The following PAK4 variants were observed in gnomAD, a reference collection of about 807,000 sequenced individuals.
The protein encoded by PAK4 is serine/threonine-protein kinase PAK 4.
PAK4 carries 49 observed loss-of-function variants against 53.5 expected under a neutral mutation model. That is an observed-to-expected ratio of 0.92 (90% CI 0.73 to 1.16). The LOEUF is 1.16. Ranked by LOEUF, PAK4 falls within the 50% of genes most tolerant of loss-of-function variation. The probability of loss-of-function intolerance (pLI) is 0.00; values close to 1 mark genes in which losing one functional copy is unlikely to be tolerated. For synonymous variants in PAK4, 376 were observed against 375.6 expected (o/e 1.00, Z -0.01); for missense variants, 824 against 850.7 (o/e 0.97, Z 0.39).
intron 8 of PAK4, 51 bp downstream of exon 9, chr19:39,177,860 G>T: frequency 6.4e-7 from 1 of 1,570,984 alleles, no homozygotes; most frequent in Non-Finnish European, 8.6e-7. Flanking sequence ...GGGTGGCAGG[G>T]CTCCAGGTGG....
Position 39,175,524 on chromosome 19 carries a change from G to A in PAK4, c.1359+86G>A. The A allele has an allele frequency of 1.4e-6, 2 of 1,387,754 alleles. No individual in the cohort carries two copies. Among genetic ancestry groups the A allele is most frequent in the African/African-American group, 1.4e-5 (1 of 70,584 alleles). The allele number at this position is 1,387,754 out of a possible 1,614,324, so 86.0% of individuals were successfully genotyped here. A position where few individuals can be genotyped will look rare whatever the true frequency, so the allele number is the denominator to read the frequency against. The stretch of plus-strand genomic sequence containing the variant: ...CTCTTCCCATCCCCTGTGAGGGTAG[G>A]TGAGCTCTGACCCCCAGGTCTGTGT... On this transcript the variant is annotated intron_variant, in intron 6 of 8. Transcript: ENST00000358301. The surrounding 1 kb of genome is among the most constrained non-coding windows in gnomAD (Gnocchi z 4.7).
rs147906209 is a variant in PAK4 at position 39,166,319 on chromosome 19, C to T, written c.-22-3213C>T. On this transcript the variant is annotated intron_variant, in intron 1 of 8. Coordinates refer to ENST00000358301, the Ensembl canonical transcript of PAK4. ...ATTAGCTGGGCGTGGTGGCAGGCGC[C>T]TGTAATCCCAGCTACTTGGGAGGCT... Among the ~76,000 whole-genome samples, 1,046 of 152,352 alleles carry T rather than the reference C, an allele frequency of 6.9e-3. 19 individuals carry two copies. Among genetic ancestry groups the T allele is most frequent in the African/African-American group, 0.023 (960 of 41,570 alleles).
chr19:39,154,010 C>T (rs1015221767), intron 1 of PAK4, among the ~76,000 whole-genome samples: 5 of 152,128 alleles, frequency 3.3e-5, no homozygotes, highest in Non-Finnish European at 5.9e-5. Context: ...GAGTATTGTT[C>T]GATGTTTTTG....
chr19:39,173,046 C>G lies in PAK4; in HGVS notation c.333C>G (p.Ala111=), dbSNP rs376684961. 12 of 1,549,162 alleles carry G rather than the reference C, an allele frequency of 7.7e-6. No individual in the cohort carries two copies. Among genetic ancestry groups the G allele is most frequent in the South Asian group, 6.0e-5 (5 of 83,992 alleles). Reference sequence around the variant, plus strand: ...ACAGCCCGCCGCCGCCCGCCCGTGCCCGCCAGGAAAATGGGATGCCAGAGG... The same window carrying G: ...ACAGCCCGCCGCCGCCCGCCCGTGCGCGCCAGGAAAATGGGATGCCAGAGG... The change falls in exon 3 of 9, where the codon GCC becomes GCG. Residue 111 remains alanine, a synonymous_variant. Coordinates refer to ENST00000358301, the Ensembl canonical transcript of PAK4. The surrounding 1 kb of genome is among the most constrained non-coding windows in gnomAD (Gnocchi z 6.9).
Position 39,167,473 on chromosome 19 carries a change from C to T in PAK4, c.-22-2059C>T, listed in dbSNP as rs995952623. On this transcript the variant is annotated intron_variant, in intron 1 of 8. Transcript: ENST00000358301. ...AGGGGTGGGCTGGGCTGGAAGGCCA[C>T]GAGGGAGGGGTGGGCAGCACTCAGG... 1.3e-4 allele frequency among the ~76,000 whole-genome samples: 20 copies of T among 151,750 alleles called. 1 individual carries two copies. Among genetic ancestry groups the T allele is most frequent in the African/African-American group, 4.1e-4 (17 of 41,254 alleles).
At chr19:39,176,853 G>A in intron 7 of PAK4, 138 bp downstream of exon 8, 1 of 998,320 alleles carries the variant, frequency 1.0e-6, no homozygotes, top group East Asian at 2.5e-5. Context: ...AGGTACTGCA[G>A]GCATGCATGT....
intron 1 of PAK4, among the ~76,000 whole-genome samples, chr19:39,156,093 T>C (rs1206253697): frequency 6.6e-6 from 1 of 152,144 alleles, no homozygotes; most frequent in Non-Finnish European, 1.5e-5. Flanking sequence ...TTCACCGTGG[T>C]CTCCCCTGAC....
chr19:39,144,071 T>C (rs1285178817), intron 1 of PAK4, among the ~76,000 whole-genome samples: 1 of 151,704 alleles, frequency 6.6e-6, no homozygotes, highest in African/African-American at 2.4e-5. Flanking sequence ...ATAGATAAGA[T>C]AGAGCGAGCA....
At chr19:39,145,819 C>T (rs1046276480) in intron 1 of PAK4, among the ~76,000 whole-genome samples, 3 of 152,176 alleles carry the variant, frequency 2.0e-5, no homozygotes, top group Non-Finnish European at 4.4e-5. Context: ...CTCACCCGCC[C>T]TGTTTGCCAG....
At chr19:39,170,587 G>A (rs1388821318) in intron 2 of PAK4, among the ~76,000 whole-genome samples, 5 of 152,210 alleles carry the variant, frequency 3.3e-5, no homozygotes, top group Non-Finnish European at 5.9e-5. Flanking sequence ...ATGGTCAGTG[G>A]GGACCAGGAG....
At chr19:39,155,097 G>T (rs2074156048) in intron 1 of PAK4, among the ~76,000 whole-genome samples, 1 of 152,188 alleles carries the variant, frequency 6.6e-6, no homozygotes, top group Non-Finnish European at 1.5e-5. Flanking sequence ...TGTCTGCTGT[G>T]TGCCGGGGCG....
At position 39,173,408 on chromosome 19, in the gene PAK4, G is replaced by A; in HGVS notation, c.663+32G>A. On this transcript the variant is annotated intron_variant, in intron 3 of 8. Transcript: ENST00000358301. The surrounding 1 kb of genome is among the most constrained non-coding windows in gnomAD (Gnocchi z 6.9). Reference sequence around the variant, plus strand: ...CATCCCCCGCCCCAGGGCCCCCACTGTCCCCTGCCCGTTGCTCCTCTGTCC... The same window carrying A: ...CATCCCCCGCCCCAGGGCCCCCACTATCCCCTGCCCGTTGCTCCTCTGTCC... 6 of 1,464,028 alleles carry A rather than the reference G, an allele frequency of 4.1e-6. No homozygotes were observed. The highest frequency in any genetic ancestry group is 5.5e-6 in the Non-Finnish European group (6 of 1,098,348). 90.7% of individuals were successfully genotyped at this position (1,464,028 alleles called of 1,614,324 possible). A position where few individuals can be genotyped will look rare whatever the true frequency, so the allele number is the denominator to read the frequency against.
chr19:39,169,596 T>A, exon 2 of PAK4: 2 of 1,611,136 alleles, frequency 1.2e-6, no homozygotes, highest in Non-Finnish European at 1.7e-6. Flanking sequence ...CTCCGCGCCG[T>A]CCAACTTCGA....
At chr19:39,144,410 C>G (rs2073966802) in intron 1 of PAK4, among the ~76,000 whole-genome samples, 1 of 152,226 alleles carries the variant, frequency 6.6e-6, no homozygotes, top group Non-Finnish European at 1.5e-5. Context: ...GCTGTCCTGT[C>G]TCCAGCACGG....
rs1201320911 is a variant in PAK4, at chr19:39,135,284, G to A, written c.-23+9365G>A. On this transcript the variant is annotated intron_variant, in intron 1 of 8. Coordinates refer to ENST00000358301, the Ensembl canonical transcript of PAK4. Reference sequence around the variant, plus strand: ...TCCTCCCCTTGCTCCTGTCCATTCCGACTCTCACCCATTCTGTGGACAGGA... The same window carrying A: ...TCCTCCCCTTGCTCCTGTCCATTCCAACTCTCACCCATTCTGTGGACAGGA... 4.1e-5 allele frequency: 6 copies of A among 146,786 alleles called. No individual in the cohort carries two copies. The East Asian group carries it at 8.0e-4, about 20-fold the overall frequency. The allele number at this position is 146,786 out of a possible 1,614,324, so 9.1% of individuals were successfully genotyped here. A position where few individuals can be genotyped will look rare whatever the true frequency, so the allele number is the denominator to read the frequency against.
chr19:39,158,182 T>C (rs1328140068), intron 1 of PAK4, among the ~76,000 whole-genome samples: 1 of 150,650 alleles, frequency 6.6e-6, no homozygotes, highest in Non-Finnish European at 1.5e-5. Context: ...TGAGTGTGCA[T>C]GTGTGTGAGC....
intron 1 of PAK4, among the ~76,000 whole-genome samples, chr19:39,166,767 C>T (rs1046616800): frequency 2.0e-5 from 3 of 152,222 alleles, no homozygotes; most frequent in Admixed American, 1.3e-4. Context: ...CCAGGCCTGG[C>T]ACGGCCTCTG....
chr19:39,159,406 G>A (rs1006982747), intron 1 of PAK4, among the ~76,000 whole-genome samples: 2 of 152,092 alleles, frequency 1.3e-5, no homozygotes, highest in African/African-American at 4.8e-5. Flanking sequence ...GTTTTTTTCA[G>A]ACAGAGTCTC....
rs2074584240 is a variant in PAK4, at chr19:39,175,400, A to G, written c.1321A>G (p.Ile441Val). 2.5e-6 allele frequency: 4 copies of G among 1,611,962 alleles called. No individual in the cohort carries two copies. Among genetic ancestry groups the G allele is most frequent in the African/African-American group, 2.7e-5 (2 of 74,886 alleles). Residue 441 changes from isoleucine to valine, a missense_variant, in exon 6 of 9, where the codon ATC becomes GTC. Transcript: ENST00000358301. This position sits in a 1 kb window ranked among gnomAD's most constrained non-coding sequence, Gnocchi z 4.7. ...CGCCCAGGGCGTCATCCACCGGGAC[A>G]TCAAGAGCGACTCGATCCTGCTGAC... is the stretch of plus-strand genomic sequence containing the variant.
Sources: allele counts gnomAD v4.1 joint callset (sites outside exome capture counted in the v4.1 genomes callset), GRCh38; gene constraint gnomAD v4.1.1; non-coding constraint Gnocchi (gnomAD v3.1); transcripts MANE v1.5; gene names NCBI Gene and HGNC (gene_info 2026-07-23, HGNC 2026-07-21).